HNRNPR: variants seen among roughly 807,000 people sequenced by gnomAD.
The protein encoded by HNRNPR is heterogeneous nuclear ribonucleoprotein R.
Under a neutral mutation model 70.3 loss-of-function variants are expected in HNRNPR, and 4 were observed. That is an observed-to-expected ratio of 0.06 (90% CI 0.03 to 0.13). The LOEUF (loss-of-function observed/expected upper bound fraction) is 0.13. Ranked by LOEUF, HNRNPR falls within the 10% of genes least tolerant of loss-of-function variation. The probability of loss-of-function intolerance (pLI) is 1.00; values close to 1 mark genes in which losing one functional copy is unlikely to be tolerated. For missense variants in HNRNPR, 423 were observed against 788.5 expected (o/e 0.54, Z 5.55); for synonymous variants, 241 against 267.6 (o/e 0.90, Z 0.97).
Position 23,305,288 on chromosome 1 carries a change from C to A in HNRNPR, c.*5166G>T, listed in dbSNP as rs1396302026. 6.6e-6 allele frequency: 1 copy of A among 152,168 alleles called. No homozygotes were observed. Among genetic ancestry groups the A allele is most frequent in the Admixed American group, 6.5e-5 (1 of 15,286 alleles). The allele number at this position is 152,168 out of a possible 1,614,324, so 9.4% of individuals were successfully genotyped here. A position where few individuals can be genotyped will look rare whatever the true frequency, so the allele number is the denominator to read the frequency against. On this transcript the variant is annotated 3_prime_UTR_variant, in exon 11 of 11. Coordinates refer to ENST00000302271, the MANE Select transcript of HNRNPR (RefSeq NM_005826.5). ...TAGTGCTAAGTTTTATACCCTGATC[C>A]TTTCTGTCACTGACACATGCATAAA...
At chr1:23,338,260 AATTTT>A (rs1477696995) in intron 3 of HNRNPR, 8 of 348,396 alleles carry the variant, frequency 2.3e-5, no homozygotes, top group African/African-American at 1.7e-4. Flanking sequence ...ACTTGGCTTT[AATTTT>A]AAGTTTTTAA....
At chr1:23,332,325 C>A (rs987863053) in intron 5 of HNRNPR, among the ~76,000 whole-genome samples, 1 of 151,948 alleles carries the variant, frequency 6.6e-6, no homozygotes, top group African/African-American at 2.4e-5. Flanking sequence ...TCAATAATAT[C>A]TCTCCATAAA....
chr1:23,312,586 T>C (rs1211571575), intron 9 of HNRNPR, among the ~76,000 whole-genome samples: 1 of 152,212 alleles, frequency 6.6e-6, no homozygotes, highest in Non-Finnish European at 1.5e-5. Context: ...TTTGTGATCT[T>C]GGACAAGTTA....
chr1:23,320,730 A>G (rs186442148), intron 7 of HNRNPR, among the ~76,000 whole-genome samples: 1 of 152,370 alleles, frequency 6.6e-6, no homozygotes, highest in African/African-American at 2.4e-5. Context: ...ATGAAATAGA[A>G]TAAGAAATAT....
chr1:23,308,448 AATTAGAT>A lies in HNRNPR; in HGVS notation c.*1999_*2005del, dbSNP rs1402498908. The stretch of plus-strand genomic sequence containing the variant: ...AAAAATCAGGGTTTTACTTAAGTCT[AATTAGAT>A]GTATAGTTACAACTTCAAATTGTAC... On this transcript the variant is annotated 3_prime_UTR_variant, in exon 11 of 11. Coordinates refer to ENST00000302271, the MANE Select transcript of HNRNPR (RefSeq NM_005826.5). 2.0e-4 allele frequency: 31 copies of A among 152,226 alleles called. No individual in the cohort carries two copies. Among genetic ancestry groups the A allele is most frequent in the African/African-American group, 6.7e-4 (28 of 41,574 alleles). 9.4% of individuals were successfully genotyped at this position (152,226 alleles called of 1,614,324 possible). A position where few individuals can be genotyped will look rare whatever the true frequency, so the allele number is the denominator to read the frequency against.
intron 5 of HNRNPR, among the ~76,000 whole-genome samples, chr1:23,327,589 C>T (rs1646041010): frequency 6.6e-6 from 1 of 152,070 alleles, no homozygotes; most frequent in Non-Finnish European, 1.5e-5. Context: ...ACTCTGGAGG[C>T]TTAGGCAGAA....
At chr1:23,321,403 A>G in intron 7 of HNRNPR, 125 bp downstream of exon 7, 1 of 728,180 alleles carries the variant, frequency 1.4e-6, no homozygotes, top group South Asian at 2.2e-5. Context: ...GCAGAAAGGA[A>G]GCAATTTAGA....
chr1:23,310,866 T>C lies in HNRNPR; in HGVS notation c.1490A>G (p.Tyr497Cys), dbSNP rs1322933401. 8 of 1,614,078 alleles carry C rather than the reference T, an allele frequency of 5.0e-6. No homozygotes were observed. Among genetic ancestry groups the C allele is most frequent in the Non-Finnish European group, 6.8e-6 (8 of 1,180,002 alleles). ...EDPYYGYDDG[Y>C]AVRGRGGGRG... is the part of the protein sequence containing the mutation. ...TCCTCCTCCTCTTCCTCTTACTGCA[T>C]AGCCATCATCATAGCCGTAGTAGGG... The change falls in exon 11 of 11, where the codon TAT becomes TGT. Residue 497 changes from tyrosine (Y) to cysteine (C), a missense_variant. Tyr to Cys is a radical substitution (Grantham distance 194). Around this residue, in one of 7 missense-constraint regions of HNRNPR, gnomAD observed 169 missense variants for 195.6 expected, o/e 0.86. Transcript: ENST00000302271. The surrounding 1 kb of genome is among the most constrained non-coding windows in gnomAD (Gnocchi z 6.0).
At chr1:23,314,716 T>C (rs1645464771) in intron 8 of HNRNPR, among the ~76,000 whole-genome samples, 1 of 152,180 alleles carries the variant, frequency 6.6e-6, no homozygotes. Context: ...ATGAGGAAAA[T>C]AATTCTCTTG....
chr1:23,321,439 A>T, intron 7 of HNRNPR, 89 bp downstream of exon 7: 1 of 1,082,194 alleles, frequency 9.2e-7, no homozygotes, highest in Non-Finnish European at 1.3e-6. Context: ...TTCTTAATTT[A>T]ATACATACAA....
chr1:23,310,711 G>C lies in HNRNPR; in HGVS notation c.1645C>G (p.Pro549Ala). 1 of 1,613,342 alleles carries C rather than the reference G, an allele frequency of 6.2e-7. No homozygotes were observed. The highest frequency in any genetic ancestry group is 1.1e-5 in the South Asian group (1 of 91,018). ...CCACGGCCTCTCTGCTGTTGAGCAGGACCCCCTCTGCCACCCCTAGAGCCT... is the reference window on the plus strand; with the variant it reads ...CCACGGCCTCTCTGCTGTTGAGCAGCACCCCCTCTGCCACCCCTAGAGCCT... ...PRGSRGGRGG[P>A]AQQQRGRGSR... is the part of the protein sequence containing the mutation. Residue 549 changes from proline (P) to alanine (A), a missense_variant, in exon 11 of 11, where the codon CCT (proline) becomes GCT (alanine). By Grantham distance (27) the Pro-to-Ala change is conservative (BLOSUM62 -1). Coordinates refer to ENST00000302271, the MANE Select transcript of HNRNPR (RefSeq NM_005826.5). This position sits in a 1 kb window ranked among gnomAD's most constrained non-coding sequence, Gnocchi z 6.0.
At chr1:23,330,364 G>A (rs758608150) in intron 5 of HNRNPR, among the ~76,000 whole-genome samples, 4 of 151,984 alleles carry the variant, frequency 2.6e-5, no homozygotes, top group Non-Finnish European at 5.9e-5. Context: ...GTGAAACCCC[G>A]TCTCTCCTAA....
At chr1:23,327,520 T>A (rs189273188) in intron 5 of HNRNPR, among the ~76,000 whole-genome samples, 2 of 152,036 alleles carry the variant, frequency 1.3e-5, no homozygotes, top group Non-Finnish European at 2.9e-5. Context: ...AAACCCTGTC[T>A]GTAACTAAAA....
At chr1:23,343,032 A>G (rs954540169) in intron 1 of HNRNPR, among the ~76,000 whole-genome samples, 6 of 152,216 alleles carry the variant, frequency 3.9e-5, no homozygotes, top group African/African-American at 1.2e-4. Flanking sequence ...TCTTCAAGCC[A>G]AATACAAAAT....
chr1:23,325,926 T>C (rs866578451), intron 5 of HNRNPR, among the ~76,000 whole-genome samples: 13 of 152,208 alleles, frequency 8.5e-5, no homozygotes, highest in Admixed American at 3.3e-4. Context: ...AGTGGCATGA[T>C]CATGGCTCAC....
intron 2 of HNRNPR, among the ~76,000 whole-genome samples, 172 bp downstream of exon 2, chr1:23,340,680 A>G (rs1427895606): frequency 6.6e-6 from 1 of 152,232 alleles, no homozygotes; most frequent in Non-Finnish European, 1.5e-5. Context: ...AAAATAATGA[A>G]ATAAGAGTAT....
At chr1:23,327,832 T>C (rs1053674189) in intron 5 of HNRNPR, among the ~76,000 whole-genome samples, 1 of 151,328 alleles carries the variant, frequency 6.6e-6, no homozygotes, top group Non-Finnish European at 1.5e-5. Context: ...AGGGGTAAAT[T>C]TGAGCTGAGA....
intron 4 of HNRNPR, among the ~76,000 whole-genome samples, chr1:23,335,310 T>TC (rs1370929003): frequency 6.6e-6 from 1 of 152,220 alleles, no homozygotes; most frequent in Non-Finnish European, 1.5e-5. Flanking sequence ...ATGCATGCCT[T>TC]CGGCCTTCCA....
chr1:23,340,728 TAACA>T (rs1463087153), intron 2 of HNRNPR, 120 bp downstream of exon 2: 15 of 772,000 alleles, frequency 1.9e-5, no homozygotes, highest in East Asian at 5.4e-5. Flanking sequence ...GAAGGGAAAG[TAACA>T]AACATTCAGC....
Sources: allele counts gnomAD v4.1 joint callset (sites outside exome capture counted in the v4.1 genomes callset), GRCh38; gene constraint gnomAD v4.1.1; regional missense constraint gnomAD v4.1.1; non-coding constraint Gnocchi (gnomAD v3.1); transcripts MANE v1.5; gene names NCBI Gene and HGNC (gene_info 2026-07-23, HGNC 2026-07-21).